The following FANCB variants were observed in gnomAD, a reference collection of about 807,000 sequenced individuals.
FANCB encodes FA complementation group B.
Under a neutral mutation model 38.9 loss-of-function variants are expected in FANCB, and 5 were observed. The observed-to-expected ratio is 0.13, with a 90% CI of 0.07 to 0.27. FANCB has a LOEUF of 0.27. Among genes scored for constraint, FANCB ranks in the 10% least tolerant of loss-of-function variants. The pLI is 1.00. For missense variants in FANCB, 573 were observed against 602.7 expected (o/e 0.95, Z 0.52); for synonymous variants, 236 against 215.4 (o/e 1.10, Z -0.84).
the FANCB span, among the ~76,000 whole-genome samples, chrX:14,775,884 C>G: frequency 9.0e-6 from 1 of 111,246 alleles, no homozygotes; most frequent in Non-Finnish European, 1.9e-5. Context: ...CTGTAAGGCA[C>G]TGGGGCATAA....
At position 14,865,082 on chromosome X, in the gene FANCB, T is replaced by A; in HGVS notation, c.429A>T (p.Leu143Phe). 1 of 1,210,524 alleles carries A rather than the reference T, an allele frequency of 8.3e-7. No individual in the cohort carries two copies. The highest frequency in any genetic ancestry group is 1.1e-6 in the Non-Finnish European group (1 of 894,938). ...AGAAGAATGCTTTGACATGCCTCCATAAAATTAAAGGGCCATTAAGGACCC... is the reference window on the plus strand; with the variant it reads ...AGAAGAATGCTTTGACATGCCTCCAAAAAATTAAAGGGCCATTAAGGACCC... ...GLRVLNGPLILWRHVKAFFFI... is the reference protein window; with the variant it reads ...GLRVLNGPLIFWRHVKAFFFI... The change falls in exon 3 of 10, where the codon TTA becomes TTT. Residue 143 changes from leucine (L) to phenylalanine (F), a missense_variant. By Grantham distance (22) the Leu-to-Phe change is conservative. Transcript: ENST00000650831.
the FANCB span, among the ~76,000 whole-genome samples, chrX:14,769,894 G>A: frequency 1.7e-4 from 19 of 112,073 alleles, no homozygotes; most frequent in African/African-American, 4.5e-4. Context: ...TGATTTCTGC[G>A]TTAATTTCAT....
chrX:14,802,306 A>T, the FANCB span, among the ~76,000 whole-genome samples: 6 of 111,741 alleles, frequency 5.4e-5, no homozygotes, highest in African/African-American at 2.0e-4. Flanking sequence ...GGTGTATTAT[A>T]GGATGGCATG....
At chrX:14,716,196 C>G in the FANCB span, among the ~76,000 whole-genome samples, 3 of 111,368 alleles carry the variant, frequency 2.7e-5, no homozygotes, top group Non-Finnish European at 5.7e-5. Context: ...AGAGATTAGT[C>G]TCAAGGCAAC....
chrX:14,711,965 C>T, the FANCB span, among the ~76,000 whole-genome samples: 5 of 112,543 alleles, frequency 4.4e-5, no homozygotes, highest in Middle Eastern at 4.6e-3. Context: ...ACAAATCTTC[C>T]GCGATTAAGA....
chrX:14,766,493 G>A, the FANCB span, among the ~76,000 whole-genome samples: 1 of 111,405 alleles, frequency 9.0e-6, no homozygotes, highest in African/African-American at 3.3e-5. Context: ...GTAAAGTGAA[G>A]CAAAATCCTA....
the FANCB span, among the ~76,000 whole-genome samples, chrX:14,768,796 T>C: frequency 1.8e-5 from 2 of 111,089 alleles, no homozygotes; most frequent in Admixed American, 1.9e-4. Context: ...TGGCTGTGGG[T>C]TTGTCATATA....
chrX:14,730,006 A>G, the FANCB span, among the ~76,000 whole-genome samples: 1 of 111,840 alleles, frequency 8.9e-6, no homozygotes, highest in Non-Finnish European at 1.9e-5. Context: ...CTTACCCTTA[A>G]TTTCTCAGTC....
At chrX:14,712,071 T>C in the FANCB span, among the ~76,000 whole-genome samples, 1 of 112,995 alleles carries the variant, frequency 8.8e-6, no homozygotes, top group East Asian at 2.8e-4. Flanking sequence ...TAGCTTTCCT[T>C]CAATTGCCTT....
the FANCB span, among the ~76,000 whole-genome samples, chrX:14,749,018 AG>A: frequency 8.9e-6 from 1 of 111,943 alleles, no homozygotes; most frequent in African/African-American, 3.2e-5. Flanking sequence ...ATTTCACATA[AG>A]GAGTCTATAT....
chrX:14,799,155 C>T, the FANCB span, among the ~76,000 whole-genome samples: 7 of 111,975 alleles, frequency 6.3e-5, no homozygotes, highest in South Asian at 3.8e-4. Flanking sequence ...ATTATTCCAC[C>T]CCGTGGTTAA....
chrX:14,730,890 A>T, the FANCB span: 1,454 of 123,260 alleles, frequency 0.012, 34 homozygotes, highest in African/African-American at 0.062. Flanking sequence ...AAAGTTAGCT[A>T]TACACACACA....
At chrX:14,856,515 CTGTTA>C (rs1303038550) in intron 5 of FANCB, among the ~76,000 whole-genome samples, 1 of 111,758 alleles carries the variant, frequency 8.9e-6, no homozygotes, top group Admixed American at 9.5e-5. Flanking sequence ...ATGGTTCTGT[CTGTTA>C]TGATGTTTAT....
chrX:14,786,933 A>G, the FANCB span, among the ~76,000 whole-genome samples: 1 of 111,931 alleles, frequency 8.9e-6, no homozygotes, highest in African/African-American at 3.3e-5. Flanking sequence ...AGTCAAACGA[A>G]GTGAAATGTC....
intron 10 of FANCB, among the ~76,000 whole-genome samples, chrX:14,837,496 T>C (rs1359909735): frequency 8.9e-6 from 1 of 112,423 alleles, no homozygotes; most frequent in Non-Finnish European, 1.9e-5. Context: ...CACAGGTATT[T>C]AGACATAATT....
the FANCB span, among the ~76,000 whole-genome samples, chrX:14,817,731 G>T: frequency 2.7e-5 from 3 of 111,432 alleles, no homozygotes; most frequent in Non-Finnish European, 5.6e-5. Context: ...AAAAAATTCA[G>T]GGTAGTGTAT....
At chrX:14,719,828 A>G in the FANCB span, among the ~76,000 whole-genome samples, 2 of 112,480 alleles carry the variant, frequency 1.8e-5, no homozygotes, top group African/African-American at 6.5e-5. Context: ...ATGGATAAAG[A>G]AAATGTAGTG....
the FANCB span, among the ~76,000 whole-genome samples, chrX:14,789,028 G>A: frequency 2.7e-5 from 3 of 112,100 alleles, no homozygotes; most frequent in Non-Finnish European, 5.6e-5. Context: ...TACATTTAGA[G>A]TCAGGTCCTA....
chrX:14,800,286 A>G, the FANCB span, among the ~76,000 whole-genome samples: 2 of 111,919 alleles, frequency 1.8e-5, no homozygotes, highest in Admixed American at 9.5e-5. Context: ...ACCAGTAGAA[A>G]CACTGTTAAA....
Sources: allele counts gnomAD v4.1 joint callset (sites outside exome capture counted in the v4.1 genomes callset), GRCh38; gene constraint gnomAD v4.1.1; transcripts MANE v1.5; gene names NCBI Gene and HGNC (gene_info 2026-07-23, HGNC 2026-07-21).